BICD1: variants seen among roughly 807,000 people sequenced by gnomAD.
The protein encoded by BICD1 is BICD cargo adaptor 1.
BICD1 carries 35 observed loss-of-function variants against 92.5 expected under a neutral mutation model. That is an observed-to-expected ratio of 0.38 (90% CI 0.29 to 0.50). The LOEUF (loss-of-function observed/expected upper bound fraction) is 0.50, where lower values mean the gene tolerates loss of function less well. Ranked by LOEUF, BICD1 falls within the 20% of genes least tolerant of loss-of-function variation. The pLI, the probability that BICD1 is intolerant of heterozygous loss-of-function variation, is 0.93. For synonymous variants in BICD1, 429 were observed against 465.1 expected (o/e 0.92, Z 1.00); for missense variants, 950 against 1,189.8 (o/e 0.80, Z 2.97).
intron 2 of BICD1, among the ~76,000 whole-genome samples, chr12:32,276,770 G>C (rs1947286150): frequency 6.6e-6 from 1 of 152,142 alleles, no homozygotes; most frequent in South Asian, 2.1e-4. Context: ...AAGATTTTAA[G>C]TGATTTTTTA....
intron 2 of BICD1, among the ~76,000 whole-genome samples, chr12:32,250,719 G>T (rs1485909103): frequency 1.3e-5 from 2 of 152,170 alleles, no homozygotes; most frequent in East Asian, 3.8e-4. Context: ...AGTGGCTCAT[G>T]CCTGTAATCC....
chr12:32,345,298 A>G (rs1474755353), intron 8 of BICD1, among the ~76,000 whole-genome samples: 4 of 151,858 alleles, frequency 2.6e-5, no homozygotes, highest in East Asian at 1.9e-4. Flanking sequence ...AAAAGAAGAA[A>G]AAATATATTA....
At chr12:32,128,950 C>CT (rs996809680) in intron 1 of BICD1, among the ~76,000 whole-genome samples, 2 of 147,118 alleles carry the variant, frequency 1.4e-5, no homozygotes, top group African/African-American at 2.5e-5. Flanking sequence ...TTTTTTTTTT[C>CT]TTTTTTTTTG....
Position 32,269,814 on chromosome 12 carries a change from C to T in BICD1, c.427-24180C>T, listed in dbSNP as rs997431777. Among the ~76,000 whole-genome samples, 13 of 152,106 alleles carry T rather than the reference C, an allele frequency of 8.5e-5. No homozygotes were observed. In the East Asian group the frequency reaches 2.5e-3, roughly 29 times the overall value. ...GTTTTGGCCTGGTAATATCTCGGGT[C>T]CCACACATATGATCATTCACAATTA... On this transcript the variant is annotated intron_variant, in intron 2 of 9. Transcript: ENST00000652176.
At chr12:32,316,864 C>A (rs1241376115) in intron 4 of BICD1, among the ~76,000 whole-genome samples, 1 of 152,114 alleles carries the variant, frequency 6.6e-6, no homozygotes, top group Non-Finnish European at 1.5e-5. Context: ...ACTCTCCCCA[C>A]CCCACAACAG....
chr12:32,138,281 C>T (rs539062868), intron 1 of BICD1, among the ~76,000 whole-genome samples: 10 of 152,156 alleles, frequency 6.6e-5, no homozygotes, highest in Admixed American at 5.2e-4. Context: ...ATTTGTCTAG[C>T]GATGGAACCA....
chr12:32,198,489 T>G (rs528051169), intron 1 of BICD1, among the ~76,000 whole-genome samples: 1 of 151,148 alleles, frequency 6.6e-6, no homozygotes, highest in South Asian at 2.1e-4. Flanking sequence ...CCTGTGTGAA[T>G]ATCCTGCTTT....
At chr12:32,167,884 G>A (rs993657584) in intron 1 of BICD1, among the ~76,000 whole-genome samples, 2 of 151,978 alleles carry the variant, frequency 1.3e-5, no homozygotes, top group African/African-American at 2.4e-5. Context: ...CCAAATCTCA[G>A]CCCTACCGCT....
At chr12:32,155,679 G>C (rs1323495690) in intron 1 of BICD1, among the ~76,000 whole-genome samples, 1 of 151,436 alleles carries the variant, frequency 6.6e-6, no homozygotes, top group Non-Finnish European at 1.5e-5. Context: ...TTGCCTGAAA[G>C]AAAAAAAGGG....
intron 1 of BICD1, among the ~76,000 whole-genome samples, chr12:32,132,891 A>G (rs1401747845): frequency 2.0e-5 from 3 of 152,182 alleles, no homozygotes; most frequent in Non-Finnish European, 4.4e-5. Flanking sequence ...GTAAGAGATG[A>G]TGGTGGCTTA....
intron 1 of BICD1, among the ~76,000 whole-genome samples, chr12:32,172,712 G>A (rs987371066): frequency 6.6e-6 from 1 of 152,140 alleles, no homozygotes; most frequent in Non-Finnish European, 1.5e-5. Context: ...GCTGACCTGG[G>A]TAGGACAGGT....
chr12:32,325,102 TA>T (rs1948745355), intron 4 of BICD1, among the ~76,000 whole-genome samples: 1 of 151,628 alleles, frequency 6.6e-6, no homozygotes, highest in Non-Finnish European at 1.5e-5. Flanking sequence ...GCCCCTGGAG[TA>T]GCTAGGACTA....
intron 1 of BICD1, among the ~76,000 whole-genome samples, chr12:32,193,584 A>C (rs750887575): frequency 1.3e-5 from 2 of 152,192 alleles, no homozygotes. Context: ...GAATAATTGT[A>C]TGCCTACAAA....
At chr12:32,299,307 C>T (rs544123797) in intron 3 of BICD1, among the ~76,000 whole-genome samples, 3 of 152,140 alleles carry the variant, frequency 2.0e-5, no homozygotes, top group African/African-American at 7.2e-5. Context: ...CTTCTTGTTC[C>T]GTTTCTTGCT....
chr12:32,261,337 C>T (rs977665652), intron 2 of BICD1, among the ~76,000 whole-genome samples: 1 of 152,186 alleles, frequency 6.6e-6, no homozygotes, highest in Non-Finnish European at 1.5e-5. Context: ...CCCAGAAATT[C>T]ATCAATTGCC....
At chr12:32,284,837 C>CACTG (rs1450875334) in intron 2 of BICD1, among the ~76,000 whole-genome samples, 2 of 152,218 alleles carry the variant, frequency 1.3e-5, no homozygotes, top group African/African-American at 4.8e-5. Flanking sequence ...AGATTCCAAG[C>CACTG]ACTGACTATA....
At chr12:32,296,831 A>G (rs796158908) in intron 3 of BICD1, among the ~76,000 whole-genome samples, 43 of 152,292 alleles carry the variant, frequency 2.8e-4, no homozygotes, top group African/African-American at 9.9e-4. Flanking sequence ...TTGAGTATTC[A>G]TTAACCCAGA....
At chr12:32,189,097 C>A (rs893267708) in intron 1 of BICD1, among the ~76,000 whole-genome samples, 1 of 152,120 alleles carries the variant, frequency 6.6e-6, no homozygotes, top group Non-Finnish European at 1.5e-5. Context: ...TCTCATGAAG[C>A]CTGATAGGAA....
chr12:32,252,584 A>G (rs933360041), intron 2 of BICD1, among the ~76,000 whole-genome samples: 1 of 152,118 alleles, frequency 6.6e-6, no homozygotes, highest in African/African-American at 2.4e-5. Context: ...CTTTCATAAG[A>G]GGAGGTTAAG....
Sources: gnomAD v4.1 joint callset for allele counts (sites outside exome capture counted in the v4.1 genomes callset) on GRCh38, gnomAD v4.1.1 for gene constraint, MANE v1.5 for transcripts, NCBI Gene and HGNC (gene_info 2026-07-23, HGNC 2026-07-21) for gene names.